The following AGTPBP1 variants were observed in gnomAD, a reference collection of about 807,000 sequenced individuals.
The protein encoded by AGTPBP1 is cytosolic carboxypeptidase 1.
In AGTPBP1, 70 loss-of-function variants were observed where a neutral mutation model predicts 143.9. The observed-to-expected ratio is 0.49, with a 90% confidence interval of 0.40 to 0.59. The LOEUF is 0.59. Ranked by LOEUF, AGTPBP1 falls within the 20% of genes least tolerant of loss-of-function variation. The pLI, the probability that AGTPBP1 is intolerant of heterozygous loss-of-function variation, is 0.00. For synonymous variants in AGTPBP1, 463 were observed against 500.2 expected (o/e 0.93, Z 0.99); for missense variants, 1,229 against 1,464.5 (o/e 0.84, Z 2.62).
At chr9:85,766,050 G>C in the AGTPBP1 span, among the ~76,000 whole-genome samples, 51 of 151,056 alleles carry the variant, frequency 3.4e-4, 1 homozygote, top group Non-Finnish European at 6.3e-4. Context: ...GAGAGCCTAA[G>C]ATACAGCAGA....
chr9:85,788,513 C>T, the AGTPBP1 span, among the ~76,000 whole-genome samples: 1 of 149,708 alleles, frequency 6.7e-6, no homozygotes, highest in Non-Finnish European at 1.5e-5. Flanking sequence ...CTAATTAAGG[C>T]ATAGCACATG....
Position 85,619,283 on chromosome 9 carries a change from C to G in AGTPBP1, c.2118G>C (p.Glu706Asp), listed in dbSNP as rs1208399762. 3 of 1,612,030 alleles carry G rather than the reference C, an allele frequency of 1.9e-6. No individual in the cohort carries two copies. The highest frequency in any genetic ancestry group is 2.5e-6 in the Non-Finnish European group (3 of 1,178,968). ...TGGAGTTAAATTTCAAAATATCTCC[C>G]TCTTCTGGAATGGTGTAACTAAATA... ...LDNPNYTIPE[E>D]GDILKFNSKF... Residue 706 changes from glutamate (E) to aspartate (D), a missense_variant, in exon 16 of 26, where the codon GAG becomes GAC. Around this residue, in one of 2 missense-constraint regions of AGTPBP1, gnomAD observed 486 missense variants for 652.3 expected, o/e 0.75. Transcript: ENST00000357081.
the AGTPBP1 span, among the ~76,000 whole-genome samples, chr9:85,796,232 T>C: frequency 6.6e-6 from 1 of 152,194 alleles, no homozygotes; most frequent in Non-Finnish European, 1.5e-5. Flanking sequence ...AGTAGTGTTG[T>C]AGTAGTAAGT....
At chr9:85,638,672 G>T (rs1405238733) in intron 13 of AGTPBP1, among the ~76,000 whole-genome samples, 1 of 151,748 alleles carries the variant, frequency 6.6e-6, no homozygotes, top group African/African-American at 2.4e-5. Context: ...AGTACTTTTT[G>T]TCTTAGAATC....
At chr9:85,796,057 T>C in the AGTPBP1 span, among the ~76,000 whole-genome samples, 1 of 151,978 alleles carries the variant, frequency 6.6e-6, no homozygotes, top group African/African-American at 2.4e-5. Context: ...GAATGGATAA[T>C]TGAGGTACCA....
At chr9:85,785,602 A>G in the AGTPBP1 span, 2,354 of 155,766 alleles carry the variant, frequency 0.015, 62 homozygotes, top group African/African-American at 0.053. Flanking sequence ...CGCACACCCC[A>G]GAGTACATTC....
chr9:85,653,765 C>T (rs771642935), intron 11 of AGTPBP1, among the ~76,000 whole-genome samples: 4 of 152,218 alleles, frequency 2.6e-5, no homozygotes, highest in Non-Finnish European at 4.4e-5. Context: ...TTACTCACAG[C>T]TCCACCACAT....
At chr9:85,732,434 C>T (rs1838951865) in intron 1 of AGTPBP1, among the ~76,000 whole-genome samples, 1 of 151,618 alleles carries the variant, frequency 6.6e-6, no homozygotes, top group African/African-American at 2.4e-5. Context: ...CAGGACGGGA[C>T]TATGAAGAAA....
chr9:85,773,617 C>A, the AGTPBP1 span, among the ~76,000 whole-genome samples: 2 of 151,936 alleles, frequency 1.3e-5, no homozygotes, highest in African/African-American at 2.4e-5. Context: ...GGACTACAGA[C>A]GTGAGCCACC....
intron 11 of AGTPBP1, among the ~76,000 whole-genome samples, chr9:85,651,896 A>G (rs1295560255): frequency 6.6e-6 from 1 of 152,230 alleles, no homozygotes; most frequent in Non-Finnish European, 1.5e-5. Flanking sequence ...AATGAAAACA[A>G]CAACAGTCCT....
chr9:85,764,394 G>A, the AGTPBP1 span, among the ~76,000 whole-genome samples: 7 of 152,148 alleles, frequency 4.6e-5, no homozygotes, highest in Admixed American at 4.6e-4. Context: ...GCTGCACATG[G>A]TGATGAGCGC....
intron 22 of AGTPBP1, among the ~76,000 whole-genome samples, chr9:85,586,460 ACAGTC>A (rs1439313237): frequency 1.3e-5 from 2 of 152,234 alleles, no homozygotes; most frequent in African/African-American, 4.8e-5. Flanking sequence ...GCGTATGTAT[ACAGTC>A]CAGTCCAGTC....
Position 85,589,694 on chromosome 9 carries a change from T to A in AGTPBP1, c.2569-13A>T. On this transcript the variant is annotated splice_polypyrimidine_tract_variant and intron_variant, in intron 19 of 25. Coordinates refer to ENST00000357081, the MANE Select transcript of AGTPBP1 (RefSeq NM_001330701.2). Reference sequence around the variant, plus strand: ...TTTGAAGATGCATCTTGATAAAAATTTTAAAACAAAATATACAATCACTTA... The same window carrying A: ...TTTGAAGATGCATCTTGATAAAAATATTAAAACAAAATATACAATCACTTA... 6.2e-7 allele frequency: 1 copy of A among 1,600,928 alleles called. No homozygotes were observed. Among genetic ancestry groups the A allele is most frequent in the Non-Finnish European group, 8.5e-7 (1 of 1,174,702 alleles).
intron 1 of AGTPBP1, among the ~76,000 whole-genome samples, chr9:85,716,967 T>C (rs1837745692): frequency 6.6e-6 from 1 of 152,202 alleles, no homozygotes; most frequent in South Asian, 2.1e-4. Context: ...CATGCCAGGC[T>C]CTCACTTTAG....
At chr9:85,643,608 T>C (rs896040818) in intron 12 of AGTPBP1, among the ~76,000 whole-genome samples, 7 of 151,966 alleles carry the variant, frequency 4.6e-5, no homozygotes, top group Non-Finnish European at 8.8e-5. Context: ...CTGTTTTCAG[T>C]GGGGGAAAAA....
At chr9:85,674,984 C>T (rs1834733760) in intron 6 of AGTPBP1, among the ~76,000 whole-genome samples, 1 of 151,952 alleles carries the variant, frequency 6.6e-6, no homozygotes. Context: ...GCAACCTCCA[C>T]CACCCAGGTT....
chr9:85,691,320 T>C (rs1388045189), intron 3 of AGTPBP1, among the ~76,000 whole-genome samples: 1 of 152,152 alleles, frequency 6.6e-6, no homozygotes, highest in African/African-American at 2.4e-5. Context: ...TAAGGGTCTA[T>C]GACCAAGAAG....
chr9:85,550,578 T>C (rs924917941), intron 25 of AGTPBP1, among the ~76,000 whole-genome samples: 3 of 152,120 alleles, frequency 2.0e-5, no homozygotes, highest in African/African-American at 7.2e-5. Flanking sequence ...TTTTCTGTAT[T>C]CTCATTATTT....
At chr9:85,793,099 A>C in the AGTPBP1 span, among the ~76,000 whole-genome samples, 1 of 152,152 alleles carries the variant, frequency 6.6e-6, no homozygotes, top group Non-Finnish European at 1.5e-5. Context: ...ATAGCCATAG[A>C]AGTGCTTCAT....
Sources: allele counts gnomAD v4.1 joint callset (sites outside exome capture counted in the v4.1 genomes callset), GRCh38; gene constraint gnomAD v4.1.1; regional missense constraint gnomAD v4.1.1; transcripts MANE v1.5; gene names NCBI Gene and HGNC (gene_info 2026-07-23, HGNC 2026-07-21).